Variants in SGCZ observed in about 807,000 individuals in gnomAD.
The protein encoded by SGCZ is sarcoglycan zeta, also known as zeta-sarcoglycan.
SGCZ carries 40 observed loss-of-function variants against 41.3 expected under a neutral mutation model. That is an observed-to-expected ratio of 0.97 (90% CI 0.75 to 1.26). SGCZ has a LOEUF of 1.26. Ranked by LOEUF, SGCZ falls within the 50% of genes most tolerant of loss-of-function variation. The pLI, the probability that SGCZ is intolerant of heterozygous loss-of-function variation, is 0.00. For missense variants in SGCZ, 552 were observed against 369.8 expected (o/e 1.49, Z -4.04); for synonymous variants, 206 against 137.5 (o/e 1.50, Z -3.49).
At chr8:14,092,533 C>G (rs568446946) in intron 7 of SGCZ, among the ~76,000 whole-genome samples, 3 of 152,016 alleles carry the variant, frequency 2.0e-5, no homozygotes, top group African/African-American at 7.2e-5. Context: ...GAATTGTAAC[C>G]CCCATAATTC....
chr8:14,590,571 C>A lies in SGCZ; in HGVS notation c.40-35645G>T, dbSNP rs188148045. On this transcript the variant is annotated intron_variant, in intron 1 of 7. Transcript: ENST00000382080. ...TCTTTCTATATTATTGCTTATAATT[C>A]AAATAGTGGACTAGAGTTTGTTTTA... Among the ~76,000 whole-genome samples, 719 of 150,338 alleles carry A rather than the reference C, an allele frequency of 4.8e-3. 10 individuals carry two copies. Among genetic ancestry groups the A allele is most frequent in the African/African-American group, 0.016 (670 of 41,244 alleles).
rs576177740 is a variant in SGCZ at position 14,620,275 on chromosome 8, T to G, written c.40-65349A>C. On this transcript the variant is annotated intron_variant, in intron 1 of 7. Coordinates refer to ENST00000382080, the MANE Select transcript of SGCZ (RefSeq NM_139167.4). Reference sequence around the variant, plus strand: ...AACTGGATCCCTTCCTTACACCTTATACAAAAATTAATTCAAGATGGATTA... The same window carrying G: ...AACTGGATCCCTTCCTTACACCTTAGACAAAAATTAATTCAAGATGGATTA... Among the ~76,000 whole-genome samples, 71 of 152,146 alleles carry G rather than the reference T, an allele frequency of 4.7e-4. 1 individual carries two copies. The highest frequency in any genetic ancestry group is 4.2e-3 in the Admixed American group (64 of 15,284).
chr8:14,535,593 G>C (rs1296513470), intron 2 of SGCZ, among the ~76,000 whole-genome samples: 1 of 151,788 alleles, frequency 6.6e-6, no homozygotes, highest in Non-Finnish European at 1.5e-5. Context: ...TTCTTTTGCA[G>C]TGTTAAGCCT....
At chr8:15,022,748 A>G (rs140774805) in intron 1 of SGCZ, among the ~76,000 whole-genome samples, 25 of 152,338 alleles carry the variant, frequency 1.6e-4, no homozygotes, top group South Asian at 4.1e-4. Context: ...AGTAATAACT[A>G]TTATAACTTT....
chr8:14,900,186 G>C (rs1259659280), intron 1 of SGCZ, among the ~76,000 whole-genome samples: 1 of 152,066 alleles, frequency 6.6e-6, no homozygotes, highest in African/African-American at 2.4e-5. Flanking sequence ...TTGCTACACA[G>C]GCTGGAATAG....
intron 7 of SGCZ, among the ~76,000 whole-genome samples, chr8:14,098,859 C>T (rs767187532): frequency 6.6e-6 from 1 of 152,010 alleles, no homozygotes; most frequent in Non-Finnish European, 1.5e-5. Context: ...TGGAGTAAAC[C>T]TTGAAGTACT....
chr8:15,134,506 A>AT (rs59147854), intron 1 of SGCZ, among the ~76,000 whole-genome samples: 8,279 of 151,966 alleles, frequency 0.054, 281 homozygotes, highest in Middle Eastern at 0.12. Context: ...AAAATAGCGC[A>AT]TTTTTTTTCC....
chr8:14,756,941 C>T lies in SGCZ; in HGVS notation c.40-202015G>A, dbSNP rs190548852. Among the ~76,000 whole-genome samples, 19 of 152,298 alleles carry T rather than the reference C, an allele frequency of 1.2e-4. No individual in the cohort carries two copies. In the East Asian group the frequency reaches 1.3e-3, roughly 11 times the overall value. On this transcript the variant is annotated intron_variant, in intron 1 of 7. Coordinates refer to ENST00000382080, the MANE Select transcript of SGCZ (RefSeq NM_139167.4). ...TGGTGCTATTATAATCTTGTAAAAA[C>T]GGCAGAATACTTGCTTTGTTTGTTT...
intron 1 of SGCZ, among the ~76,000 whole-genome samples, chr8:14,859,938 A>G (rs1803662646): frequency 6.6e-6 from 1 of 152,162 alleles, no homozygotes; most frequent in African/African-American, 2.4e-5. Context: ...ATGAAAATTG[A>G]CTCAGATGTC....
intron 1 of SGCZ, among the ~76,000 whole-genome samples, chr8:14,648,003 G>C (rs1040186974): frequency 6.6e-6 from 1 of 151,942 alleles, no homozygotes; most frequent in African/African-American, 2.4e-5. Flanking sequence ...CTGCAAAGAG[G>C]AGCCCTCATT....
intron 1 of SGCZ, among the ~76,000 whole-genome samples, chr8:15,020,082 T>C (rs1803195297): frequency 6.6e-6 from 1 of 151,998 alleles, no homozygotes; most frequent in South Asian, 2.1e-4. Context: ...AATATCACTG[T>C]ACTTTTAACA....
At chr8:14,213,744 C>A (rs562882318) in intron 4 of SGCZ, among the ~76,000 whole-genome samples, 1 of 151,828 alleles carries the variant, frequency 6.6e-6, no homozygotes, top group East Asian at 1.9e-4. Flanking sequence ...GAATAAAATA[C>A]TTAAGACTTA....
At chr8:15,005,526 T>G (rs1802584239) in intron 1 of SGCZ, among the ~76,000 whole-genome samples, 1 of 151,194 alleles carries the variant, frequency 6.6e-6, no homozygotes, top group Non-Finnish European at 1.5e-5. Flanking sequence ...AGATGGTGTT[T>G]CTCCATGTTC....
At chr8:14,278,666 A>C (rs1265098500) in intron 3 of SGCZ, among the ~76,000 whole-genome samples, 1 of 152,154 alleles carries the variant, frequency 6.6e-6, no homozygotes, top group Admixed American at 6.6e-5. Context: ...CTGCCAATGA[A>C]ATTGCCATTG....
intron 1 of SGCZ, among the ~76,000 whole-genome samples, chr8:14,691,879 T>G (rs1026383668): frequency 4.6e-5 from 7 of 151,994 alleles, no homozygotes; most frequent in African/African-American, 1.7e-4. Flanking sequence ...AACTGTTTTG[T>G]GAGAAAATAA....
chr8:14,558,902 CA>C (rs1194083650), intron 1 of SGCZ, among the ~76,000 whole-genome samples: 3 of 151,898 alleles, frequency 2.0e-5, no homozygotes, highest in Non-Finnish European at 2.9e-5. Context: ...CCAATAGAGG[CA>C]AAAAACACAT....
Position 15,190,874 on chromosome 8 carries a change from C to A in SGCZ, c.39+46711G>T, listed in dbSNP as rs76022831. Among the ~76,000 whole-genome samples the A allele has an allele frequency of 7.5e-3, 1,142 of 152,088 alleles. 27 individuals are homozygous for A. Among genetic ancestry groups the A allele is most frequent in the African/African-American group, 0.026 (1,076 of 41,406 alleles). On this transcript the variant is annotated intron_variant, in intron 1 of 7. Transcript: ENST00000382080. ...ATGACTACTCCTTCCCTAATTCAAT[C>A]ACAACTGGAAAAGGTATACAGTTAG...
intron 1 of SGCZ, among the ~76,000 whole-genome samples, chr8:15,075,752 G>C (rs1025217836): frequency 1.3e-5 from 2 of 152,082 alleles, no homozygotes; most frequent in Non-Finnish European, 2.9e-5. Context: ...ACATGCCAAA[G>C]AGACAAATCC....
intron 4 of SGCZ, among the ~76,000 whole-genome samples, chr8:14,193,855 C>A (rs753711863): frequency 2.0e-5 from 3 of 151,768 alleles, no homozygotes; most frequent in African/African-American, 7.2e-5. Flanking sequence ...AATAAAGAAA[C>A]TCCTACCTTG....
Sources: gnomAD v4.1 joint callset for allele counts (sites outside exome capture counted in the v4.1 genomes callset) on GRCh38, gnomAD v4.1.1 for gene constraint, MANE v1.5 for transcripts, NCBI Gene and HGNC (gene_info 2026-07-23, HGNC 2026-07-21) for gene names.